TENM3: variants seen among roughly 807,000 people sequenced by gnomAD.
TENM3 encodes teneurin-3.
Under a neutral mutation model 255.1 loss-of-function variants are expected in TENM3, and 63 were observed. The observed-to-expected ratio is 0.25, with a 90% confidence interval of 0.20 to 0.30. TENM3 has a LOEUF of 0.30. Among genes scored for constraint, TENM3 ranks in the 10% least tolerant of loss-of-function variants. TENM3 has a pLI of 1.00. For missense variants in TENM3, 2,929 were observed against 3,461.1 expected, an observed-to-expected ratio of 0.85 and a Z score of 3.86; for synonymous variants, 1,306 against 1,322.3, an observed-to-expected ratio of 0.99 and a Z score of 0.27.
the TENM3 span, among the ~76,000 whole-genome samples, chr4:181,454,216 T>A: frequency 6.6e-6 from 1 of 152,252 alleles, no homozygotes; most frequent in Non-Finnish European, 1.5e-5. Flanking sequence ...TCCTGCCCTA[T>A]AACATTCTAC....
chr4:181,706,757 G>C, the TENM3 span, among the ~76,000 whole-genome samples: 3 of 152,308 alleles, frequency 2.0e-5, no homozygotes, highest in Non-Finnish European at 2.9e-5. Context: ...CAACATCACA[G>C]CTAAAACCTG....
At chr4:181,968,346 T>C in the TENM3 span, among the ~76,000 whole-genome samples, 1 of 152,194 alleles carries the variant, frequency 6.6e-6, no homozygotes, top group South Asian at 2.1e-4. Flanking sequence ...GCAGGACATG[T>C]AAGTTCAGAA....
the TENM3 span, among the ~76,000 whole-genome samples, chr4:181,481,231 A>G: frequency 3.3e-5 from 5 of 152,094 alleles, no homozygotes; most frequent in Non-Finnish European, 7.4e-5. Flanking sequence ...TTCACAGAAT[A>G]CACAAATGTA....
the TENM3 span, among the ~76,000 whole-genome samples, chr4:181,737,903 G>A: frequency 2.8e-4 from 43 of 151,186 alleles, 1 homozygote; most frequent in South Asian, 4.4e-3. Flanking sequence ...CACGAGATTG[G>A]TGTAACCAGC....
chr4:182,115,146 A>G, the TENM3 span, among the ~76,000 whole-genome samples: 1 of 152,162 alleles, frequency 6.6e-6, no homozygotes, highest in Non-Finnish European at 1.5e-5. Flanking sequence ...ATGCCCCTGC[A>G]CTCCAGCCTA....
chr4:181,691,314 AC>A, the TENM3 span, among the ~76,000 whole-genome samples: 1 of 151,828 alleles, frequency 6.6e-6, no homozygotes, highest in South Asian at 2.1e-4. Flanking sequence ...ATATGTATAC[AC>A]AAACTCATAT....
At chr4:182,380,550 C>G (rs563241734) in intron 3 of TENM3, among the ~76,000 whole-genome samples, 1 of 152,174 alleles carries the variant, frequency 6.6e-6, no homozygotes, top group African/African-American at 2.4e-5. Flanking sequence ...TATATGTGCC[C>G]TGCTATATAT....
intron 4 of TENM3, among the ~76,000 whole-genome samples, chr4:182,617,950 AC>A (rs1255805462): frequency 6.6e-6 from 1 of 152,186 alleles, no homozygotes; most frequent in Admixed American, 6.5e-5. Flanking sequence ...TCTGTATGTC[AC>A]TAATAAAAGT....
At chr4:182,320,750 A>G (rs1372002356) in intron 1 of TENM3, among the ~76,000 whole-genome samples, 1 of 152,208 alleles carries the variant, frequency 6.6e-6, no homozygotes, top group Non-Finnish European at 1.5e-5. Flanking sequence ...TGTAGCATGA[A>G]AATGGCCAAG....
chr4:182,038,974 C>G, the TENM3 span, among the ~76,000 whole-genome samples: 1 of 152,068 alleles, frequency 6.6e-6, no homozygotes, highest in Admixed American at 6.6e-5. Flanking sequence ...CTTAAGTGAT[C>G]CACCCGCCCC....
the TENM3 span, among the ~76,000 whole-genome samples, chr4:181,561,038 C>T: frequency 1.2e-4 from 18 of 152,140 alleles, no homozygotes; most frequent in African/African-American, 2.2e-4. Flanking sequence ...CTGCAACCCT[C>T]GCCTCCTGGG....
chr4:182,382,425 G>C (rs1767636306), intron 3 of TENM3, among the ~76,000 whole-genome samples: 1 of 151,394 alleles, frequency 6.6e-6, no homozygotes, highest in African/African-American at 2.4e-5. Context: ...ATCCAAAATA[G>C]CTCAAATGAG....
At chr4:181,486,009 A>T in the TENM3 span, among the ~76,000 whole-genome samples, 2 of 137,388 alleles carry the variant, frequency 1.5e-5, no homozygotes, top group Non-Finnish European at 3.2e-5. Context: ...CCATTCAAAA[A>T]CTTGAGAGAA....
At chr4:181,760,884 C>T in the TENM3 span, among the ~76,000 whole-genome samples, 4 of 151,508 alleles carry the variant, frequency 2.6e-5, no homozygotes, top group African/African-American at 9.7e-5. Context: ...CATCTTATTA[C>T]CTTCCTTACC....
At chr4:182,612,266 G>A (rs1389110884) in intron 4 of TENM3, among the ~76,000 whole-genome samples, 8 of 146,862 alleles carry the variant, frequency 5.4e-5, no homozygotes, top group East Asian at 2.0e-4. Flanking sequence ...AGCGAGACTC[G>A]GTCTCAAAAA....
At chr4:182,688,037 T>C (rs1579114953) in intron 11 of TENM3, 129 bp from the exon 12 acceptor site, 1 of 841,920 alleles carries the variant, frequency 1.2e-6, no homozygotes. Flanking sequence ...CAAATACTTT[T>C]GATTTCTTTT....
the TENM3 span, among the ~76,000 whole-genome samples, chr4:181,734,992 G>C: frequency 6.6e-6 from 1 of 152,048 alleles, no homozygotes; most frequent in Non-Finnish European, 1.5e-5. Context: ...ATTTAAACTT[G>C]TTAATAAAGA....
the TENM3 span, among the ~76,000 whole-genome samples, chr4:181,767,123 G>T: frequency 6.9e-6 from 1 of 145,514 alleles, no homozygotes; most frequent in East Asian, 2.1e-4. Context: ...GTGGTGGCGG[G>T]CGCCTGTAGT....
the TENM3 span, among the ~76,000 whole-genome samples, chr4:182,005,825 G>A: frequency 6.6e-6 from 1 of 152,068 alleles, no homozygotes; most frequent in African/African-American, 2.4e-5. Context: ...TACTCTCTTT[G>A]TAGTAAATGT....
Sources: allele counts gnomAD v4.1 joint callset (sites outside exome capture counted in the v4.1 genomes callset), GRCh38; gene constraint gnomAD v4.1.1; transcripts MANE v1.5; gene names NCBI Gene and HGNC (gene_info 2026-07-23, HGNC 2026-07-21).